Variants in LYG1 observed in about 807,000 individuals in gnomAD.
The protein encoded by LYG1 is lysozyme g-like protein 1.
A neutral mutation model predicts 21.7 loss-of-function variants in LYG1; 17 were observed. The ratio of observed to expected loss-of-function variants is 0.78; its 90% confidence interval spans 0.54 to 1.18. The LOEUF (loss-of-function observed/expected upper bound fraction) is 1.18. Ranked by LOEUF, LYG1 falls within the 50% of genes most tolerant of loss-of-function variation. The pLI is 0.00. For missense variants in LYG1, 211 were observed against 238.1 expected, an observed-to-expected ratio of 0.89 and a Z score of 0.75; for synonymous variants, 81 against 87.4, an observed-to-expected ratio of 0.93 and a Z score of 0.41.
At chr2:99,295,052 AG>A (rs2094132453) in intron 3 of LYG1, among the ~76,000 whole-genome samples, 1 of 152,170 alleles carries the variant, frequency 6.6e-6, no homozygotes, top group Non-Finnish European at 1.5e-5. Flanking sequence ...CAGTGAGCTG[AG>A]ATTGCACCAC....
At chr2:99,302,578 G>C (rs1391616874), upstream of LYG1, among the ~76,000 whole-genome samples, 1 of 152,160 alleles carries the variant, frequency 6.6e-6, no homozygotes, top group Non-Finnish European at 1.5e-5. Context: ...CAAAAACAAA[G>C]GCTTTTTTCT....
chr2:99,297,855 G>C (rs1430493367), intron 2 of LYG1, among the ~76,000 whole-genome samples: 2 of 152,106 alleles, frequency 1.3e-5, no homozygotes. Context: ...GCTGGGGCTA[G>C]AGGTGTATGC....
chr2:99,289,668 A>C (rs1217194215), intron 5 of LYG1, among the ~76,000 whole-genome samples: 3 of 152,146 alleles, frequency 2.0e-5, no homozygotes, highest in Admixed American at 6.5e-5. Context: ...TGCCAGTGCA[A>C]ACCCTCCAAA....
intron 5 of LYG1, among the ~76,000 whole-genome samples, chr2:99,287,971 CTTAA>C (rs1229228788): frequency 6.6e-6 from 1 of 152,094 alleles, no homozygotes; most frequent in African/African-American, 2.4e-5. Flanking sequence ...AATCAAGCCT[CTTAA>C]TTGTGTTCTT....
chr2:99,291,556 A>G, intron 4 of LYG1, 135 bp from the exon 5 acceptor site: 4 of 1,001,138 alleles, frequency 4.0e-6, no homozygotes, highest in Non-Finnish European at 4.4e-6. Context: ...TTGGTCTTAA[A>G]TCTTTAGTAG....
chr2:99,301,406 A>AGAGAGAGAGAGTGAGAAG (rs1484035592), upstream of LYG1, among the ~76,000 whole-genome samples: 3 of 149,316 alleles, frequency 2.0e-5, no homozygotes, highest in Non-Finnish European at 3.0e-5. Context: ...AGAGAGAGAA[A>AGAGAGAGAGAGTGAGAAG]GAGAGAGAGA....
chr2:99,301,893 A>G (rs1367932461), upstream of LYG1, among the ~76,000 whole-genome samples: 1 of 151,832 alleles, frequency 6.6e-6, no homozygotes, highest in East Asian at 1.9e-4. Flanking sequence ...GCGTGTTCCA[A>G]ATGTCTACAT....
chr2:99,296,448 C>T (rs765713731), intron 2 of LYG1, among the ~76,000 whole-genome samples: 2 of 152,184 alleles, frequency 1.3e-5, no homozygotes, highest in African/African-American at 4.8e-5. Flanking sequence ...ATGGAGCACC[C>T]GCTCATGTGC....
chr2:99,293,155 C>T (rs1157729737), intron 3 of LYG1, among the ~76,000 whole-genome samples: 2 of 151,932 alleles, frequency 1.3e-5, no homozygotes, highest in African/African-American at 4.8e-5. Flanking sequence ...CCACGCCCAG[C>T]TAATTTTTGT....
chr2:99,302,107 C>G (rs2094156384), upstream of LYG1, among the ~76,000 whole-genome samples: 1 of 152,190 alleles, frequency 6.6e-6, no homozygotes. Context: ...TCCTTTTTAT[C>G]TAAACCCTCA....
In LYG1 at chr2:99,295,716, A is replaced by G. The variant is rs1187815618; in HGVS notation, c.-32-14T>C. 1 of 1,612,378 alleles carries G rather than the reference A, an allele frequency of 6.2e-7. No homozygotes were observed. The highest frequency in any genetic ancestry group is 1.3e-5 in the African/African-American group (1 of 75,020). On this transcript the variant is annotated splice_polypyrimidine_tract_variant and intron_variant, in intron 2 of 6. Transcript: ENST00000308528. Reference sequence around the variant, plus strand: ...GCTCCTGAAACACTTTTAAAACAAAAATTAGCTTGAGAATACAAAAATATC... The same window carrying G: ...GCTCCTGAAACACTTTTAAAACAAAGATTAGCTTGAGAATACAAAAATATC...
At chr2:99,287,658 G>A (rs918366991) in intron 5 of LYG1, among the ~76,000 whole-genome samples, 1 of 151,704 alleles carries the variant, frequency 6.6e-6, no homozygotes, top group Non-Finnish European at 1.5e-5. Flanking sequence ...TTATTTTTAA[G>A]TTTCACTATG....
chr2:99,299,726 AT>A (rs1316050337), intron 1 of LYG1, among the ~76,000 whole-genome samples: 4 of 150,466 alleles, frequency 2.7e-5, no homozygotes, highest in African/African-American at 9.8e-5. Context: ...TTTTAAAATT[AT>A]TTTTAATTTT....
At chr2:99,289,352 TG>T (rs1224716904) in intron 5 of LYG1, among the ~76,000 whole-genome samples, 1 of 151,620 alleles carries the variant, frequency 6.6e-6, no homozygotes, top group African/African-American at 2.4e-5. Context: ...CCCAGCTACT[TG>T]GGAGGCTGAG....
At chr2:99,292,257 C>T (rs1407483004) in intron 4 of LYG1, among the ~76,000 whole-genome samples, 1 of 152,012 alleles carries the variant, frequency 6.6e-6, no homozygotes, top group African/African-American at 2.4e-5. Flanking sequence ...TGCACTCCAA[C>T]CTGGGCAACA....
chr2:99,297,835 C>A (rs960365927), intron 2 of LYG1, among the ~76,000 whole-genome samples: 2 of 152,202 alleles, frequency 1.3e-5, no homozygotes, highest in Non-Finnish European at 1.5e-5. Context: ...CCACCTTAGC[C>A]TCCCAAGTAG....
chr2:99,299,712 C>A (rs2094148496), intron 1 of LYG1, among the ~76,000 whole-genome samples: 1 of 151,316 alleles, frequency 6.6e-6, no homozygotes, highest in Non-Finnish European at 1.5e-5. Flanking sequence ...CAACACCTGG[C>A]CTGTTTTAAA....
intron 4 of LYG1, 73 bp from the exon 5 acceptor site, chr2:99,291,494 A>T: frequency 6.7e-7 from 1 of 1,493,870 alleles, no homozygotes; most frequent in Non-Finnish European, 9.2e-7. Context: ...GGGGAGAGAG[A>T]AAGAACAATC....
upstream of LYG1, among the ~76,000 whole-genome samples, chr2:99,302,454 C>T (rs2094157422): frequency 6.6e-6 from 1 of 152,206 alleles, no homozygotes; most frequent in Non-Finnish European, 1.5e-5. Flanking sequence ...AAGATTTGGA[C>T]TGGGCTTCCA....
Sources: allele counts gnomAD v4.1 joint callset (sites outside exome capture counted in the v4.1 genomes callset), GRCh38; gene constraint gnomAD v4.1.1; transcripts MANE v1.5; gene names NCBI Gene and HGNC (gene_info 2026-07-23, HGNC 2026-07-21).